Variants in PACRG observed in about 807,000 individuals in gnomAD.
PACRG encodes parkin coregulated.
A neutral mutation model predicts 29.7 loss-of-function variants in PACRG; 29 were observed. The observed-to-expected ratio is 0.98, with a 90% CI of 0.73 to 1.33. PACRG has a LOEUF of 1.33. Among genes scored for constraint, PACRG ranks in the 40% most tolerant of loss-of-function variants. PACRG has a pLI of 0.00. For synonymous variants in PACRG, 116 were observed against 118.7 expected (o/e 0.98, Z 0.15); for missense variants, 279 against 316.2 (o/e 0.88, Z 0.89).
rs188371486 is a variant in PACRG at position 162,946,305 on chromosome 6, A to G, written c.292-115845A>G. Among the ~76,000 whole-genome samples the G allele has an allele frequency of 7.2e-5, 11 of 152,218 alleles. No individual in the cohort carries two copies. In the East Asian group the frequency reaches 1.9e-3, roughly 27 times the overall value. On this transcript the variant is annotated intron_variant, in intron 2 of 4. Transcript: ENST00000366888. ...CAAATAAAATCAGAAATGAAAATGG[A>G]GACATTACAACTGATAACCACCAAA...
chr6:163,302,567 A>G (rs992226307), intron 4 of PACRG, among the ~76,000 whole-genome samples: 2 of 152,240 alleles, frequency 1.3e-5, no homozygotes, highest in Non-Finnish European at 2.9e-5. Context: ...TGATTTGTTC[A>G]TTAAATGTAT....
At chr6:162,952,715 C>T (rs559313461) in intron 2 of PACRG, among the ~76,000 whole-genome samples, 4 of 152,210 alleles carry the variant, frequency 2.6e-5, no homozygotes, top group Non-Finnish European at 4.4e-5. Flanking sequence ...CTCAGTTACA[C>T]GAAAGGGCCA....
intron 2 of PACRG, among the ~76,000 whole-genome samples, chr6:163,007,085 T>C (rs1299398434): frequency 6.6e-6 from 1 of 152,188 alleles, no homozygotes; most frequent in Non-Finnish European, 1.5e-5. Flanking sequence ...ATTTTTGTTG[T>C]GTAATTTTAG....
chr6:163,152,947 A>G (rs1164935916), intron 4 of PACRG, among the ~76,000 whole-genome samples: 1 of 152,148 alleles, frequency 6.6e-6, no homozygotes, highest in African/African-American at 2.4e-5. Context: ...GTTAGTCAAC[A>G]ATTCTGCTTG....
At chr6:162,789,333 A>G (rs1382790507) in intron 1 of PACRG, among the ~76,000 whole-genome samples, 2 of 152,190 alleles carry the variant, frequency 1.3e-5, no homozygotes, top group Non-Finnish European at 2.9e-5. Flanking sequence ...GTGAGTCCCT[A>G]TAATGCTAGG....
rs1225704624 is a variant in PACRG, at chr6:163,019,161, CATT to C, written c.292-42986_292-42984del. ...AGCAGGCTTTTATTGTCTGTAGAGA[CATT>C]ATGATATTTCTTATTCTCTCCTTTT... On this transcript the variant is annotated intron_variant, in intron 2 of 4. Transcript: ENST00000366888. 3.3e-5 allele frequency among the ~76,000 whole-genome samples: 5 copies of C among 152,240 alleles called. No homozygotes were observed. In the South Asian group the frequency reaches 6.2e-4, roughly 19 times the overall value.
intron 1 of PACRG, among the ~76,000 whole-genome samples, chr6:162,784,813 A>G (rs1023416073): frequency 1.7e-4 from 26 of 152,218 alleles, no homozygotes; most frequent in Non-Finnish European, 7.3e-5. Flanking sequence ...ATGATAGTGT[A>G]TGTTTGCTAC....
chr6:163,040,414 A>G (rs960713153), intron 2 of PACRG, among the ~76,000 whole-genome samples: 3 of 152,262 alleles, frequency 2.0e-5, no homozygotes, highest in African/African-American at 7.2e-5. Context: ...GCCCCCATAC[A>G]GAGTCCCCAC....
intron 2 of PACRG, among the ~76,000 whole-genome samples, chr6:162,908,168 T>A (rs1000642088): frequency 6.6e-6 from 1 of 152,218 alleles, no homozygotes; most frequent in African/African-American, 2.4e-5. Flanking sequence ...ACTTTTCCTA[T>A]TGAATAAATT....
chr6:163,072,398 GT>G (rs1370843304), intron 3 of PACRG, among the ~76,000 whole-genome samples: 2 of 151,924 alleles, frequency 1.3e-5, no homozygotes, highest in Non-Finnish European at 2.9e-5. Context: ...AAAAACAAAT[GT>G]TTAACATCCC....
intron 4 of PACRG, among the ~76,000 whole-genome samples, chr6:163,107,578 A>T (rs954828500): frequency 6.6e-6 from 1 of 152,166 alleles, no homozygotes; most frequent in Admixed American, 6.5e-5. Flanking sequence ...TTTAACCAAA[A>T]TCTGCTTTCC....
chr6:163,081,212 G>T (rs768490837), intron 3 of PACRG, among the ~76,000 whole-genome samples: 1 of 151,948 alleles, frequency 6.6e-6, no homozygotes. Flanking sequence ...TTCAACTAAC[G>T]CTATAATGGG....
chr6:163,266,295 G>A (rs538404747), intron 4 of PACRG, among the ~76,000 whole-genome samples: 9 of 152,094 alleles, frequency 5.9e-5, no homozygotes, highest in African/African-American at 9.7e-5. Flanking sequence ...AAGTAATACC[G>A]GTAAATAGGA....
intron 2 of PACRG, among the ~76,000 whole-genome samples, chr6:162,868,220 C>T (rs1463215490): frequency 6.6e-6 from 1 of 152,114 alleles, no homozygotes; most frequent in Non-Finnish European, 1.5e-5. Context: ...GAACTAGAGG[C>T]GATAGGCCGC....
rs113547694 is a variant in PACRG, at chr6:163,013,815, A to G, written c.292-48335A>G. Among the ~76,000 whole-genome samples the G allele has an allele frequency of 6.8e-3, 1,033 of 152,158 alleles. 14 individuals carry two copies. Among genetic ancestry groups the G allele is most frequent in the African/African-American group, 0.023 (973 of 41,524 alleles). On this transcript the variant is annotated intron_variant, in intron 2 of 4. Transcript: ENST00000366888. ...ATTCATTAAGGGTAAAAGTAATTTT[A>G]CTTTATGGAATTGACAAATATAATT...
chr6:163,221,796 A>G (rs16894652), intron 4 of PACRG, among the ~76,000 whole-genome samples: 28,176 of 152,100 alleles, frequency 0.19, 2,977 homozygotes, highest in African/African-American at 0.29. Context: ...TGTTGACAGC[A>G]AGGCCTTTGC....
intron 2 of PACRG, among the ~76,000 whole-genome samples, chr6:162,949,291 G>A (rs1799473171): frequency 6.6e-6 from 1 of 152,144 alleles, no homozygotes; most frequent in Non-Finnish European, 1.5e-5. Context: ...ATATGTGGGA[G>A]CTTAAAAAAT....
intron 4 of PACRG, among the ~76,000 whole-genome samples, chr6:163,102,590 T>C (rs962815763): frequency 6.6e-6 from 1 of 152,234 alleles, no homozygotes; most frequent in African/African-American, 2.4e-5. Context: ...TGCTAGGAGC[T>C]GCAATGTATA....
intron 2 of PACRG, among the ~76,000 whole-genome samples, chr6:162,860,457 G>A (rs1295394500): frequency 6.6e-6 from 1 of 152,196 alleles, no homozygotes; most frequent in Non-Finnish European, 1.5e-5. Flanking sequence ...GGTTGCCTAA[G>A]AGCAATGTAA....
Sources: gnomAD v4.1 joint callset for allele counts (sites outside exome capture counted in the v4.1 genomes callset) on GRCh38, gnomAD v4.1.1 for gene constraint, MANE v1.5 for transcripts, NCBI Gene and HGNC (gene_info 2026-07-23, HGNC 2026-07-21) for gene names.